The following CDH9 variants were observed in gnomAD, a reference collection of about 807,000 sequenced individuals.
The protein encoded by CDH9 is cadherin 9, also known as cadherin-9.
In CDH9, 28 loss-of-function variants were observed where a neutral mutation model predicts 70.9. The observed-to-expected ratio is 0.40, with a 90% CI of 0.29 to 0.54. The LOEUF (loss-of-function observed/expected upper bound fraction) is 0.54, where lower values mean the gene tolerates loss of function less well. Ranked by LOEUF, CDH9 falls within the 20% of genes least tolerant of loss-of-function variation. CDH9 has a pLI of 0.59. For synonymous variants in CDH9, 409 were observed against 343.1 expected, an observed-to-expected ratio of 1.19 and a Z score of -2.12; for missense variants, 874 against 984.4, an observed-to-expected ratio of 0.89 and a Z score of 1.50.
chr5:26,980,238 GT>G (rs1742377313), intron 2 of CDH9, among the ~76,000 whole-genome samples: 1 of 151,648 alleles, frequency 6.6e-6, no homozygotes. Context: ...TTCTCTTTTT[GT>G]AGAAAAAAAG....
chr5:26,907,356 A>AT (rs1254831366), intron 3 of CDH9, among the ~76,000 whole-genome samples: 1 of 152,096 alleles, frequency 6.6e-6, no homozygotes, highest in Non-Finnish European at 1.5e-5. Flanking sequence ...CCTGCAAGAT[A>AT]TTTTTTGTTC....
intron 11 of CDH9, among the ~76,000 whole-genome samples, chr5:26,883,869 G>A (rs1327384982): frequency 5.3e-5 from 8 of 151,944 alleles, no homozygotes; most frequent in Non-Finnish European, 8.8e-5. Flanking sequence ...TATAAACTAA[G>A]AGCTACATTT....
chr5:26,986,425 C>T (rs529310842), intron 2 of CDH9, among the ~76,000 whole-genome samples: 235 of 152,142 alleles, frequency 1.5e-3, no homozygotes, highest in African/African-American at 4.0e-3. Flanking sequence ...AAAAAGGAAG[C>T]ATGATTGCAC....
intron 1 of CDH9, among the ~76,000 whole-genome samples, chr5:26,998,790 CT>C (rs1742713470): frequency 6.6e-6 from 1 of 151,834 alleles, no homozygotes; most frequent in African/African-American, 2.4e-5. Context: ...AGTAATTAAG[CT>C]GATGTAAAAG....
At chr5:26,932,909 C>T (rs1741488214) in intron 2 of CDH9, among the ~76,000 whole-genome samples, 1 of 150,516 alleles carries the variant, frequency 6.6e-6, no homozygotes, top group Non-Finnish European at 1.5e-5. Flanking sequence ...CCTTTCCACT[C>T]TAAGCAAATT....
At chr5:26,939,495 AAT>A (rs976428066) in intron 2 of CDH9, among the ~76,000 whole-genome samples, 6 of 151,476 alleles carry the variant, frequency 4.0e-5, no homozygotes, top group African/African-American at 1.2e-4. Flanking sequence ...ACTGTTAATA[AAT>A]ATATATATAT....
At chr5:26,899,806 C>T (rs1191390976) in intron 7 of CDH9, among the ~76,000 whole-genome samples, 2 of 150,450 alleles carry the variant, frequency 1.3e-5, no homozygotes, top group African/African-American at 4.9e-5. Flanking sequence ...CACCGTAGCA[C>T]GTGTATATCT....
chr5:26,964,225 G>A (rs1742089545), intron 2 of CDH9, among the ~76,000 whole-genome samples: 1 of 151,424 alleles, frequency 6.6e-6, no homozygotes, highest in Non-Finnish European at 1.5e-5. Flanking sequence ...ACACACACAA[G>A]CACACGCATT....
chr5:26,890,836 T>C (rs977493505), intron 7 of CDH9: 2 of 328,538 alleles, frequency 6.1e-6, no homozygotes, highest in Non-Finnish European at 1.1e-5. Flanking sequence ...AGTTCTTAAG[T>C]ATCACTTGGT....
rs1056975036 is a variant in CDH9, at chr5:26,880,986, C to G, written c.*150G>C. 1.6e-6 allele frequency: 1 copy of G among 633,104 alleles called. No individual in the cohort carries two copies. Among genetic ancestry groups the G allele is most frequent in the Non-Finnish European group, 2.7e-6 (1 of 374,762 alleles). 39.2% of individuals were successfully genotyped at this position (633,104 alleles called of 1,614,324 possible). ...ATTCGTATTCATTCACAAAGACTTA[C>G]TGATTAAGCAAATCCCTACTTGACA... On this transcript the variant is annotated 3_prime_UTR_variant, in exon 12 of 12. Transcript: ENST00000231021.
At chr5:26,995,605 A>G (rs1221654519) in intron 1 of CDH9, among the ~76,000 whole-genome samples, 7 of 152,104 alleles carry the variant, frequency 4.6e-5, no homozygotes, top group African/African-American at 1.4e-4. Context: ...ACACCTGTAC[A>G]TTCCTCTGCT....
chr5:26,882,562 A>G (rs10074886), intron 11 of CDH9, among the ~76,000 whole-genome samples: 2,764 of 152,198 alleles, frequency 0.018, 83 homozygotes, highest in African/African-American at 0.064. Context: ...TTTTAAAAGA[A>G]GCAAACACGA....
At chr5:26,977,742 A>G (rs951019353) in intron 2 of CDH9, among the ~76,000 whole-genome samples, 1 of 152,112 alleles carries the variant, frequency 6.6e-6, no homozygotes, top group African/African-American at 2.4e-5. Context: ...TAAAATTGGC[A>G]TACACATGCA....
intron 3 of CDH9, among the ~76,000 whole-genome samples, chr5:26,907,421 A>G (rs973259048): frequency 3.3e-5 from 5 of 152,104 alleles, no homozygotes; most frequent in Admixed American, 6.6e-5. Flanking sequence ...TATAGATAAT[A>G]TGGTTCTTAT....
chr5:26,900,785 C>T (rs1395467056), intron 7 of CDH9, among the ~76,000 whole-genome samples: 3 of 151,996 alleles, frequency 2.0e-5, no homozygotes, highest in Non-Finnish European at 4.4e-5. Flanking sequence ...AATCAAGACA[C>T]AACCAACATT....
chr5:26,888,742 G>C (rs1740605753), intron 9 of CDH9, among the ~76,000 whole-genome samples: 1 of 152,140 alleles, frequency 6.6e-6, no homozygotes, highest in South Asian at 2.1e-4. Flanking sequence ...AGAATGTAAG[G>C]TTGAGATCTA....
At chr5:27,018,891 A>C (rs1743089978) in intron 1 of CDH9, among the ~76,000 whole-genome samples, 1 of 151,994 alleles carries the variant, frequency 6.6e-6, no homozygotes, top group African/African-American at 2.4e-5. Flanking sequence ...TTGAGTTAGC[A>C]GTGATTTATT....
intron 1 of CDH9, among the ~76,000 whole-genome samples, chr5:27,006,193 A>G (rs186067547): frequency 6.6e-6 from 1 of 152,282 alleles, no homozygotes; most frequent in African/African-American, 2.4e-5. Context: ...TAAAAATAAA[A>G]AATAAAATAA....
At chr5:26,917,553 A>G (rs917385304) in intron 2 of CDH9, among the ~76,000 whole-genome samples, 2 of 151,948 alleles carry the variant, frequency 1.3e-5, no homozygotes, top group African/African-American at 4.8e-5. Context: ...TTATTTGACT[A>G]TTTAAATTAT....
Sources: allele counts gnomAD v4.1 joint callset (sites outside exome capture counted in the v4.1 genomes callset), GRCh38; gene constraint gnomAD v4.1.1; transcripts MANE v1.5; gene names NCBI Gene and HGNC (gene_info 2026-07-23, HGNC 2026-07-21).